Variants in SESN3 observed in about 807,000 individuals in gnomAD.
SESN3 encodes the protein sestrin-3.
In SESN3, 21 loss-of-function variants were observed where a neutral mutation model predicts 55.3. The ratio of observed to expected loss-of-function variants is 0.38; its 90% CI spans 0.27 to 0.55. The LOEUF (loss-of-function observed/expected upper bound fraction) is 0.55. SESN3 is among the 20% of genes least tolerant of loss of function. The pLI, the probability that SESN3 is intolerant of heterozygous loss-of-function variation, is 0.76. For missense variants in SESN3, 408 were observed against 604.3 expected (o/e 0.68, Z 3.41); for synonymous variants, 181 against 203.1 (o/e 0.89, Z 0.93).
intron 1 of SESN3, among the ~76,000 whole-genome samples, chr11:95,217,340 T>C (rs1184241790): frequency 6.6e-6 from 1 of 152,044 alleles, no homozygotes. Context: ...CAAATATAAT[T>C]TGAAGCATAC....
At chr11:95,191,977 A>G (rs373829656) in intron 2 of SESN3, among the ~76,000 whole-genome samples, 1 of 151,996 alleles carries the variant, frequency 6.6e-6, no homozygotes, top group African/African-American at 2.4e-5. Context: ...TACATTTACA[A>G]TTTCATCTCA....
At chr11:95,176,543 TA>T (rs2134215369) in intron 8 of SESN3, among the ~76,000 whole-genome samples, 1 of 152,296 alleles carries the variant, frequency 6.6e-6, no homozygotes, top group Non-Finnish European at 1.5e-5. Flanking sequence ...ACATAGACAG[TA>T]ATGACAGCAG....
At chr11:95,225,547 AGAAACAGCTTAT>A (rs1860933317) in intron 1 of SESN3, among the ~76,000 whole-genome samples, 2 of 152,222 alleles carry the variant, frequency 1.3e-5, no homozygotes, top group African/African-American at 4.8e-5. Flanking sequence ...GAGGACAATT[AGAAACAGCTTAT>A]TACAAAGGCA....
chr11:95,186,208 G>A (rs1164861742), intron 4 of SESN3, among the ~76,000 whole-genome samples: 2 of 146,276 alleles, frequency 1.4e-5, no homozygotes, highest in Non-Finnish European at 1.5e-5. Context: ...GTGTGTGTGT[G>A]TGTGTGTGTG....
intron 1 of SESN3, among the ~76,000 whole-genome samples, chr11:95,209,800 T>C (rs1410971025): frequency 2.0e-5 from 3 of 150,590 alleles, no homozygotes; most frequent in East Asian, 3.9e-4. Flanking sequence ...GTGGATCTCC[T>C]GAGGTTAGAA....
intron 1 of SESN3, among the ~76,000 whole-genome samples, chr11:95,229,624 A>C (rs1413088560): frequency 6.6e-6 from 1 of 152,196 alleles, no homozygotes; most frequent in African/African-American, 2.4e-5. Context: ...TTTTGGACAA[A>C]GAGCGCAAAT....
At position 95,167,660 on chromosome 11, in the gene SESN3, A is replaced by G. The variant is rs1186666126; in HGVS notation, c.*5595T>C. The G allele has an allele frequency of 6.6e-6, 1 of 152,172 alleles. No individual in the cohort carries two copies. 9.4% of individuals were successfully genotyped at this position (152,172 alleles called of 1,614,324 possible). A position where few individuals can be genotyped will look rare whatever the true frequency, so the allele number is the denominator to read the frequency against. ...CCCTGAAAGGCATTTATTGGATACT[A>G]CTATCAGGTTGAGTTGTTCATGAAT... is the stretch of plus-strand genomic sequence containing the variant. On this transcript the variant is annotated 3_prime_UTR_variant, in exon 10 of 10. Transcript: ENST00000536441.
intron 1 of SESN3, among the ~76,000 whole-genome samples, chr11:95,221,953 C>T (rs1860866317): frequency 6.6e-6 from 1 of 152,152 alleles, no homozygotes; most frequent in African/African-American, 2.4e-5. Context: ...GCCTGCTGGC[C>T]AAGGGGTTCA....
intron 1 of SESN3, among the ~76,000 whole-genome samples, chr11:95,210,159 G>T (rs2053756): frequency 0.28 from 42,287 of 151,780 alleles, 6,314 homozygotes; most frequent in Admixed American, 0.32. Context: ...TAAGTGGGAG[G>T]TGAACAATGA....
intron 1 of SESN3, among the ~76,000 whole-genome samples, chr11:95,197,403 C>T (rs577975818): frequency 6.6e-6 from 1 of 151,764 alleles, no homozygotes; most frequent in Non-Finnish European, 1.5e-5. Flanking sequence ...AAATCTACCT[C>T]CTTCTGGGCA....
chr11:95,186,194 C>CTGTGTG (rs35466696), intron 4 of SESN3, among the ~76,000 whole-genome samples: 3,655 of 107,568 alleles, frequency 0.034, 119 homozygotes, highest in Middle Eastern at 0.072. Flanking sequence ...CTATCTCTCA[C>CTGTGTG]TGTGTGTGTG....
At chr11:95,196,969 A>C (rs1860372893) in intron 1 of SESN3, among the ~76,000 whole-genome samples, 1 of 152,138 alleles carries the variant, frequency 6.6e-6, no homozygotes, top group Non-Finnish European at 1.5e-5. Context: ...GAACCAATCA[A>C]CCTATTTGTC....
intron 3 of SESN3, among the ~76,000 whole-genome samples, chr11:95,191,171 T>C (rs1860261340): frequency 1.3e-5 from 2 of 152,066 alleles, no homozygotes; most frequent in Non-Finnish European, 2.9e-5. Context: ...AGATTAAATA[T>C]GAAAAATGAT....
At chr11:95,188,398 T>C (rs865901715) in intron 4 of SESN3, among the ~76,000 whole-genome samples, 10 of 151,810 alleles carry the variant, frequency 6.6e-5, no homozygotes, top group Admixed American at 5.9e-4. Flanking sequence ...TGTTAATATT[T>C]TGGAAAATTT....
intron 1 of SESN3, among the ~76,000 whole-genome samples, chr11:95,218,752 G>A (rs1046231452): frequency 1.3e-5 from 2 of 150,726 alleles, no homozygotes; most frequent in Non-Finnish European, 2.9e-5. Context: ...CCGGGTTCAC[G>A]GCATTCTCCT....
chr11:95,188,639 C>G (rs560249400), intron 4 of SESN3, among the ~76,000 whole-genome samples: 4 of 151,944 alleles, frequency 2.6e-5, no homozygotes, highest in African/African-American at 9.6e-5. Flanking sequence ...ATGCCCTGCT[C>G]TACTTGAAAA....
Position 95,176,635 on chromosome 11 carries a change from A to T in SESN3, c.1248-993T>A, listed in dbSNP as rs965157101. Among the ~76,000 whole-genome samples, 4 of 152,346 alleles carry T rather than the reference A, an allele frequency of 2.6e-5. No individual in the cohort carries two copies. In the South Asian group the frequency reaches 6.2e-4, roughly 24 times the overall value. ...AATTTCTCTGTTACATTTTCAGTTA[A>T]TTTTTAACCCATATAATGCTTAGTT... On this transcript the variant is annotated intron_variant, in intron 8 of 9. Transcript: ENST00000536441.
At position 95,170,689 on chromosome 11, in the gene SESN3, T is replaced by C. The variant is rs1449335243; in HGVS notation, c.*2566A>G. The C allele has an allele frequency of 6.6e-6, 1 of 152,222 alleles. No homozygotes were observed. Among genetic ancestry groups the C allele is most frequent in the Non-Finnish European group, 1.5e-5 (1 of 68,032 alleles). The allele number at this position is 152,222 out of a possible 1,614,324, so 9.4% of individuals were successfully genotyped here. On this transcript the variant is annotated 3_prime_UTR_variant, in exon 10 of 10. Coordinates refer to ENST00000536441, the MANE Select transcript of SESN3 (RefSeq NM_144665.4). The stretch of plus-strand genomic sequence containing the variant: ...ACAGCAAACTCGTTGTAAAATGGTA[T>C]TCACAACCTGAAATGCTGTGCATGC...
chr11:95,198,084 T>A (rs932777126), intron 1 of SESN3, among the ~76,000 whole-genome samples: 3 of 152,172 alleles, frequency 2.0e-5, no homozygotes, highest in African/African-American at 4.8e-5. Flanking sequence ...CCTAGGGGCC[T>A]GCATTCAAAT....
Sources: gnomAD v4.1 joint callset for allele counts (sites outside exome capture counted in the v4.1 genomes callset) on GRCh38, gnomAD v4.1.1 for gene constraint, MANE v1.5 for transcripts, NCBI Gene and HGNC (gene_info 2026-07-23, HGNC 2026-07-21) for gene names.